The following SH2D4A variants were observed in gnomAD, a reference collection of about 807,000 sequenced individuals.
SH2D4A encodes the protein SH2 domain-containing protein 4A.
In SH2D4A, 70 loss-of-function variants were observed where a neutral mutation model predicts 64.7. That is an observed-to-expected ratio of 1.08 (90% CI 0.89 to 1.32). SH2D4A has a LOEUF of 1.32. Among genes scored for constraint, SH2D4A ranks in the 40% most tolerant of loss-of-function variants. SH2D4A has a pLI of 0.00. For synonymous variants in SH2D4A, 268 were observed against 200.7 expected, an observed-to-expected ratio of 1.34 and a Z score of -2.83; for missense variants, 706 against 540.1, an observed-to-expected ratio of 1.31 and a Z score of -3.04.
intron 1 of SH2D4A, 115 bp downstream of exon 1, chr8:19,313,938 G>A (rs561269802): frequency 3.1e-6 from 4 of 1,282,588 alleles, no homozygotes; most frequent in African/African-American, 1.6e-5. Context: ...GGGCCAGAGC[G>A]GGCGGGCGGA....
chr8:19,323,592 G>A (rs934140357), intron 2 of SH2D4A, among the ~76,000 whole-genome samples: 1 of 152,130 alleles, frequency 6.6e-6, no homozygotes, highest in Admixed American at 6.5e-5. Context: ...TGTTGGCTAG[G>A]CTGGTCTCAA....
At chr8:19,388,368 T>G (rs772465334) in intron 8 of SH2D4A, among the ~76,000 whole-genome samples, 2 of 152,126 alleles carry the variant, frequency 1.3e-5, no homozygotes, top group Non-Finnish European at 2.9e-5. Flanking sequence ...CATTGAACAG[T>G]GTGGTATGCC....
In SH2D4A at chr8:19,334,728, A is replaced by G. The variant is rs771995414; in HGVS notation, c.384A>G (p.Lys128=). 2.0e-5 allele frequency: 32 copies of G among 1,610,250 alleles called. No homozygotes were observed. The highest frequency in any genetic ancestry group is 2.6e-5 in the Non-Finnish European group (31 of 1,179,128). The change falls in exon 4 of 10, where the codon AAA becomes AAG. Residue 128 remains lysine (K), a synonymous_variant. Coordinates refer to ENST00000265807, the MANE Select transcript of SH2D4A (RefSeq NM_022071.4). ...SEEFTNSLKT[K]SQYHDLQAPD... ...AATTCACCAATAGCTTGAAAACAAA[A>G]TCACAGTACCATGATCTGCAGGCTC...
At chr8:19,386,498 C>T (rs1348829514) in intron 8 of SH2D4A, among the ~76,000 whole-genome samples, 1 of 152,156 alleles carries the variant, frequency 6.6e-6, no homozygotes, top group African/African-American at 2.4e-5. Flanking sequence ...AGTCCTCATC[C>T]TGACACTATC....
intron 7 of SH2D4A, among the ~76,000 whole-genome samples, chr8:19,371,403 G>A (rs2053093085): frequency 6.6e-6 from 1 of 151,728 alleles, no homozygotes; most frequent in South Asian, 2.1e-4. Context: ...CTTCTTTCTG[G>A]CCTATACGGT....
At chr8:19,322,766 G>A (rs1193563719) in intron 2 of SH2D4A, among the ~76,000 whole-genome samples, 1 of 151,838 alleles carries the variant, frequency 6.6e-6, no homozygotes, top group Non-Finnish European at 1.5e-5. Context: ...TGCCTCCCAG[G>A]TTCAAGCGAT....
intron 1 of SH2D4A, among the ~76,000 whole-genome samples, chr8:19,316,187 A>G (rs1373508332): frequency 6.6e-6 from 1 of 152,226 alleles, no homozygotes; most frequent in Non-Finnish European, 1.5e-5. Flanking sequence ...CGGCCTGACC[A>G]CAGATAGTTG....
At chr8:19,332,610 C>T (rs772062958) in intron 2 of SH2D4A, among the ~76,000 whole-genome samples, 15 of 14,364 alleles carry the variant, frequency 1.0e-3, no homozygotes, top group Admixed American at 4.0e-3. Flanking sequence ...AGGTGGGGAA[C>T]GGCTTGAACC....
At chr8:19,348,767 T>G (rs2052651390) in intron 4 of SH2D4A, among the ~76,000 whole-genome samples, 1 of 152,224 alleles carries the variant, frequency 6.6e-6, no homozygotes, top group South Asian at 2.1e-4. Context: ...AAAAGCAGTA[T>G]TAGCAAAATA....
At chr8:19,370,266 A>C (rs1050881657) in intron 7 of SH2D4A, among the ~76,000 whole-genome samples, 14 of 152,176 alleles carry the variant, frequency 9.2e-5, no homozygotes, top group Admixed American at 8.5e-4. Flanking sequence ...ATTGTCTGTT[A>C]GGTACATTCT....
intron 1 of SH2D4A, among the ~76,000 whole-genome samples, chr8:19,319,030 G>C (rs1181296168): frequency 6.6e-6 from 1 of 151,510 alleles, no homozygotes; most frequent in Non-Finnish European, 1.5e-5. Flanking sequence ...GGTTTGTTAG[G>C]CTCTGGGGTA....
intron 8 of SH2D4A, among the ~76,000 whole-genome samples, chr8:19,377,881 T>C (rs1261222298): frequency 4.6e-5 from 7 of 152,176 alleles, no homozygotes; most frequent in Admixed American, 4.6e-4. Context: ...TTACACTGCA[T>C]ATTGCTACAT....
chr8:19,339,144 G>T (rs2052488503), intron 4 of SH2D4A, among the ~76,000 whole-genome samples: 1 of 152,216 alleles, frequency 6.6e-6, no homozygotes, highest in Non-Finnish European at 1.5e-5. Flanking sequence ...CGATGTTCGA[G>T]GTGAGGAAGC....
chr8:19,346,812 T>A (rs1391175625), intron 4 of SH2D4A, among the ~76,000 whole-genome samples: 1 of 152,152 alleles, frequency 6.6e-6, no homozygotes, highest in African/African-American at 2.4e-5. Context: ...CCTCCTGAAA[T>A]CCTTCAATTA....
intron 4 of SH2D4A, among the ~76,000 whole-genome samples, chr8:19,337,520 A>T (rs1345015696): frequency 1.3e-5 from 2 of 152,162 alleles, no homozygotes; most frequent in Non-Finnish European, 2.9e-5. Flanking sequence ...AAGTGTCCTT[A>T]TAAGAGGAGA....
In SH2D4A at chr8:19,325,161, A is replaced by T. The variant is rs55700029; in HGVS notation, c.181+5433A>T. Among the ~76,000 whole-genome samples, 1,079 of 151,748 alleles carry T rather than the reference A, an allele frequency of 7.1e-3. 11 individuals carry two copies. The highest frequency in any genetic ancestry group is 0.025 in the African/African-American group (1,022 of 41,356). On this transcript the variant is annotated intron_variant, in intron 2 of 9. Coordinates refer to ENST00000265807, the MANE Select transcript of SH2D4A (RefSeq NM_022071.4). ...TCTGTTCCCAGTCACCAAAACCAGAACTCCAGGAGCCACGCTGTTTCCTCC... is the reference window on the plus strand; with the variant it reads ...TCTGTTCCCAGTCACCAAAACCAGATCTCCAGGAGCCACGCTGTTTCCTCC...
chr8:19,319,639 T>C lies in SH2D4A; in HGVS notation c.92T>C (p.Met31Thr). Residue 31 changes from methionine to threonine, a missense_variant, in exon 2 of 10, where the codon ATG becomes ACG. Met to Thr is a moderately conservative substitution (Grantham distance 81, BLOSUM62 -1). Coordinates refer to ENST00000265807, the MANE Select transcript of SH2D4A (RefSeq NM_022071.4). Reference protein sequence around the residue: ...EEQKQILFFKMREEQIRRWKE... With the variant: ...EEQKQILFFKTREEQIRRWKE... ...CAGAAACAGATCCTGTTCTTCAAGA[T>C]GAGAGAGGAACAGATCCGACGATGG... 6.2e-7 allele frequency: 1 copy of C among 1,610,740 alleles called. No individual in the cohort carries two copies. Among genetic ancestry groups the C allele is most frequent in the Non-Finnish European group, 8.5e-7 (1 of 1,178,770 alleles).
chr8:19,319,220 CTCTTT>C (rs2052142777), intron 1 of SH2D4A, 119 bp from the exon 2 acceptor site: 4 of 641,440 alleles, frequency 6.2e-6, no homozygotes, highest in Admixed American at 5.9e-5. Flanking sequence ...TTTTCTTCTT[CTCTTT>C]TCTCTCTGAA....
rs549409515 is a variant in SH2D4A at position 19,350,559 on chromosome 8, T to C, written c.514-6644T>C. Among the ~76,000 whole-genome samples the C allele has an allele frequency of 6.8e-4, 104 of 152,286 alleles. 1 individual carries two copies. In the South Asian group the frequency reaches 0.021, roughly 31 times the overall value. ...ATGCAGTGGTGAGATCCTGGCTCAC[T>C]GTAGCCCTGACCTCCCCAGGCTCAG... On this transcript the variant is annotated intron_variant, in intron 4 of 9. Coordinates refer to ENST00000265807, the MANE Select transcript of SH2D4A (RefSeq NM_022071.4).
Sources: allele counts gnomAD v4.1 joint callset (sites outside exome capture counted in the v4.1 genomes callset), GRCh38; gene constraint gnomAD v4.1.1; transcripts MANE v1.5; gene names NCBI Gene and HGNC (gene_info 2026-07-23, HGNC 2026-07-21).